GRIN2C: variants seen among roughly 807,000 people sequenced by gnomAD.
The protein encoded by GRIN2C is glutamate receptor ionotropic, NMDA 2C.
A neutral mutation model predicts 77.7 loss-of-function variants in GRIN2C; 64 were observed. The observed-to-expected ratio is 0.82, with a 90% CI of 0.67 to 1.01. The LOEUF is 1.01. GRIN2C is among the 50% of genes least tolerant of loss of function. The pLI, the probability that GRIN2C is intolerant of heterozygous loss-of-function variation, is 0.00. For missense variants in GRIN2C, 1,549 were observed against 1,486.0 expected, an observed-to-expected ratio of 1.04 and a Z score of -0.70; for synonymous variants, 792 against 643.4, an observed-to-expected ratio of 1.23 and a Z score of -3.49.
In GRIN2C at chr17:74,842,227, C is replaced by T. The variant is rs1391148103; in HGVS notation, c.*208G>A. 7 of 517,300 alleles carry T rather than the reference C, an allele frequency of 1.4e-5. No individual in the cohort carries two copies. Among genetic ancestry groups the T allele is most frequent in the Admixed American group, 3.9e-5 (1 of 25,636 alleles). 32.0% of individuals were successfully genotyped at this position (517,300 alleles called of 1,614,324 possible). On this transcript the variant is annotated 3_prime_UTR_variant, in exon 13 of 13. Coordinates refer to ENST00000293190, the MANE Select transcript of GRIN2C (RefSeq NM_000835.6). ...AGCACACCCTCCTGGCAGAACTCTG[C>T]GTGAGAAGAGGACAGCAAAAGCCCA...
intron 4 of GRIN2C, chr17:74,851,337 G>T: frequency 2.1e-6 from 1 of 485,940 alleles, no homozygotes; most frequent in Non-Finnish European, 3.7e-6. Context: ...AGATAGGAGC[G>T]CTTGAAATGT....
Position 74,843,203 on chromosome 17 carries a change from C to A in GRIN2C, c.2934G>T (p.Pro978=). The A allele has an allele frequency of 2.4e-6, 1 of 419,926 alleles. No homozygotes were observed. Among genetic ancestry groups the A allele is most frequent in the Non-Finnish European group, 3.9e-6 (1 of 254,710 alleles). The allele number at this position is 419,926 out of a possible 1,614,324, so 26.0% of individuals were successfully genotyped here. A position where few individuals can be genotyped will look rare whatever the true frequency, so the allele number is the denominator to read the frequency against. Residue 978 remains proline (P), a synonymous_variant, in exon 13 of 13, where the codon CCG becomes CCT. Coordinates refer to ENST00000293190, the MANE Select transcript of GRIN2C (RefSeq NM_000835.6). ...GCGGCCCCGGCGTCGGGGGGCGGCC[C>A]GGGGGCTGCGGAGCCCTGCGCACAA... ...AALVRRAPQP[P]GRPPTPGPPL...
In GRIN2C at chr17:74,846,753, G is replaced by A. The variant is rs777664289; in HGVS notation, c.2162+7C>T. The A allele has an allele frequency of 8.7e-6, 14 of 1,612,504 alleles. No homozygotes were observed. In the East Asian group the frequency reaches 1.8e-4, roughly 21 times the overall value. Reference sequence around the variant, plus strand: ...TGAAGACAGCGGGTGCAGGGCTGGGGACCCACCCCATCTTGAGGCTGGTGA... The same window carrying A: ...TGAAGACAGCGGGTGCAGGGCTGGGAACCCACCCCATCTTGAGGCTGGTGA... On this transcript the variant is annotated splice_region_variant and intron_variant, in intron 10 of 12. Coordinates refer to ENST00000293190, the MANE Select transcript of GRIN2C (RefSeq NM_000835.6). This position sits in a 1 kb window ranked among gnomAD's most constrained non-coding sequence, Gnocchi z 4.4.
At position 74,847,111 on chromosome 17, in the gene GRIN2C, C is replaced by A. The variant is rs1230140946; in HGVS notation, c.2002-191G>T. 57 of 731,562 alleles carry A rather than the reference C, an allele frequency of 7.8e-5. No homozygotes were observed. The highest frequency in any genetic ancestry group is 1.2e-4 in the Non-Finnish European group (55 of 453,616). 45.3% of individuals were successfully genotyped at this position (731,562 alleles called of 1,614,324 possible). On this transcript the variant is annotated intron_variant, in intron 9 of 12. Coordinates refer to ENST00000293190, the MANE Select transcript of GRIN2C (RefSeq NM_000835.6). This position sits in a 1 kb window ranked among gnomAD's most constrained non-coding sequence, Gnocchi z 5.2. The stretch of plus-strand genomic sequence containing the variant: ...GAGGCCCAAGACAGGGAGAGACTTA[C>A]CCAAGGCCTCTCAGCCGGTGGCCCT...
chr17:74,852,638 G>GT (rs879110167), intron 2 of GRIN2C, 27 bp from the exon 3 acceptor site: 5 of 981,274 alleles, frequency 5.1e-6, no homozygotes, highest in Middle Eastern at 3.0e-4. Flanking sequence ...CCTGAGCGGG[G>GT]CGGGAGGGCC....
upstream of GRIN2C, among the ~76,000 whole-genome samples, chr17:74,861,104 A>C (rs1205297025): frequency 6.6e-6 from 1 of 152,096 alleles, no homozygotes; most frequent in Non-Finnish European, 1.5e-5. Flanking sequence ...CTGCCGCGCC[A>C]AGCGAAGGAG....
chr17:74,855,010 T>A lies in GRIN2C; in HGVS notation c.83A>T (p.Gln28Leu), dbSNP rs780388234. The A allele has an allele frequency of 6.2e-7, 1 of 1,604,442 alleles. No individual in the cohort carries two copies. The highest frequency in any genetic ancestry group is 1.1e-5 in the South Asian group (1 of 90,954). The stretch of plus-strand genomic sequence containing the variant: ...AAACACCACGGCCACCGTCATGCCC[T>A]GCTCGCCCTGCCCCGGACCCAGCCC... ...WAGLGPGQGE[Q>L]GMTVAVVFSS... Residue 28 changes from glutamine (Q) to leucine (L), a missense_variant, in exon 2 of 13, where the codon CAG (glutamine) becomes CTG (leucine). Gln to Leu is a moderately radical substitution (Grantham distance 113). Around this residue, in one of 3 missense-constraint regions of GRIN2C, gnomAD observed 382 missense variants for 360.0 expected, o/e 1.06. Coordinates refer to ENST00000293190, the MANE Select transcript of GRIN2C (RefSeq NM_000835.6).
Position 74,850,158 on chromosome 17 carries a change from G to C in GRIN2C, c.1491+48C>G, listed in dbSNP as rs571674579. 5 of 1,593,186 alleles carry C rather than the reference G, an allele frequency of 3.1e-6. No individual in the cohort carries two copies. The African/African-American group carries it at 6.7e-5, about 21-fold the overall frequency. On this transcript the variant is annotated intron_variant, in intron 6 of 12. Transcript: ENST00000293190. The surrounding 1 kb of genome is among the most constrained non-coding windows in gnomAD (Gnocchi z 5.3). ...CTGAGAGCCACATGGGGCCTGGGCA[G>C]CAGGTGGGCAGGCAGGGCAGGTGAG...
At chr17:74,853,261 T>A (rs1431596426) in intron 2 of GRIN2C, 1 of 152,050 alleles carries the variant, frequency 6.6e-6, no homozygotes, top group Non-Finnish European at 1.5e-5. Flanking sequence ...ACTGTCCCAA[T>A]CTTTTAAAAA....
intron 4 of GRIN2C, 171 bp downstream of exon 4, chr17:74,851,406 C>T (rs1488629726): frequency 8.6e-6 from 5 of 582,242 alleles, no homozygotes; most frequent in Middle Eastern, 4.1e-4. Context: ...CCTCACCCAC[C>T]CCGGGGCACC....
At chr17:74,845,163 T>A in intron 11 of GRIN2C, among the ~76,000 whole-genome samples, 1 of 152,038 alleles carries the variant, frequency 6.6e-6, no homozygotes, top group East Asian at 1.9e-4. Flanking sequence ...CTCCTAGACT[T>A]AAGCAATCCT....
At position 74,844,435 on chromosome 17, in the gene GRIN2C, G is replaced by C; in HGVS notation, c.2424C>G (p.Ser808Arg). 3.1e-6 allele frequency: 5 copies of C among 1,614,222 alleles called. No homozygotes were observed. The highest frequency in any genetic ancestry group is 4.2e-6 in the Non-Finnish European group (5 of 1,180,042). The stretch of plus-strand genomic sequence containing the variant: ...CTGCCATGTTGTCGATGTCCAGCTT[G>C]CTGCTCATCACCTCGTTCTTCTCAT... Reference protein sequence around the residue: ...CQNEKNEVMSSKLDIDNMAGV... With the variant: ...CQNEKNEVMSRKLDIDNMAGV... The change falls in exon 12 of 13, where the codon AGC becomes AGG. Residue 808 changes from serine (S) to arginine (R), a missense_variant. Around this residue, in one of 3 missense-constraint regions of GRIN2C, gnomAD observed 717 missense variants for 858.1 expected, o/e 0.84. Coordinates refer to ENST00000293190, the MANE Select transcript of GRIN2C (RefSeq NM_000835.6).
chr17:74,852,340 A>G lies in GRIN2C; in HGVS notation c.671T>C (p.Phe224Ser). 6.9e-7 allele frequency: 1 copy of G among 1,457,424 alleles called. No homozygotes were observed. Among genetic ancestry groups the G allele is most frequent in the African/African-American group, 1.5e-5 (1 of 67,242 alleles). The allele number at this position is 1,457,424 out of a possible 1,614,324, so 90.3% of individuals were successfully genotyped here. ...CTCCTCGCGCGAGCAGTAGGCCACAAACACGGGCGCGTCGAGCTGGCGCAG... is the reference window on the plus strand; with the variant it reads ...CTCCTCGCGCGAGCAGTAGGCCACAGACACGGGCGCGTCGAGCTGGCGCAG... Reference protein sequence around the residue: ...RLLRQLDAPVFVAYCSREEAE... With the variant: ...RLLRQLDAPVSVAYCSREEAE... The change falls in exon 3 of 13, where the codon TTT (phenylalanine) becomes TCT (serine). Residue 224 changes from phenylalanine to serine, a missense_variant. Around this residue, in one of 3 missense-constraint regions of GRIN2C, gnomAD observed 382 missense variants for 360.0 expected, o/e 1.06. Coordinates refer to ENST00000293190, the MANE Select transcript of GRIN2C (RefSeq NM_000835.6).
Position 74,854,962 on chromosome 17 carries a change from G to T in GRIN2C, c.131C>A (p.Ala44Asp). The part of the protein sequence containing the change: ...VVFSSSGPPQ[A>D]QFRARLTPQS... ...GGGGGTGAGGCGGGCACGGAACTGG[G>T]CCTGGGGCGGCCCTGAGCTGCTAAA... is the stretch of plus-strand genomic sequence containing the variant. Residue 44 changes from alanine (A) to aspartate (D), a missense_variant, in exon 2 of 13, where the codon GCC becomes GAC. Physicochemically the swap from Ala to Asp is moderately radical, Grantham distance 126. Around this residue, in one of 3 missense-constraint regions of GRIN2C, gnomAD observed 382 missense variants for 360.0 expected, o/e 1.06. Coordinates refer to ENST00000293190, the MANE Select transcript of GRIN2C (RefSeq NM_000835.6). The T allele has an allele frequency of 6.2e-7, 1 of 1,611,912 alleles. No homozygotes were observed. The highest frequency in any genetic ancestry group is 2.2e-5 in the East Asian group (1 of 44,876).
chr17:74,851,698 G>T lies in GRIN2C; in HGVS notation c.999-7C>A. The T allele has an allele frequency of 6.6e-7, 1 of 1,517,604 alleles. No homozygotes were observed. The highest frequency in any genetic ancestry group is 9.0e-7 in the Non-Finnish European group (1 of 1,114,918). 94.0% of individuals were successfully genotyped at this position (1,517,604 alleles called of 1,614,324 possible). ...GGTGACATTCAGTAGGTGCCTGCCA[G>T]AGGGGAGAGATGCCTGCAGCCCTGC... On this transcript the variant is annotated splice_region_variant and splice_polypyrimidine_tract_variant and intron_variant, in intron 3 of 12. Coordinates refer to ENST00000293190, the MANE Select transcript of GRIN2C (RefSeq NM_000835.6).
rs1451694303 is a variant in GRIN2C, at chr17:74,847,840, G to C, written c.1771+12C>G. On this transcript the variant is annotated intron_variant, in intron 8 of 12. Coordinates refer to ENST00000293190, the MANE Select transcript of GRIN2C (RefSeq NM_000835.6). This position sits in a 1 kb window ranked among gnomAD's most constrained non-coding sequence, Gnocchi z 5.2. ...AGGCCCACCCCTCCTGCCGGGCCCA[G>C]GCAAGGCTTACTCTTGCCTCTGGTG... 1 of 1,613,772 alleles carries C rather than the reference G, an allele frequency of 6.2e-7. No individual in the cohort carries two copies. Among genetic ancestry groups the C allele is most frequent in the Non-Finnish European group, 8.5e-7 (1 of 1,179,940 alleles).
At chr17:74,857,438 C>T (rs547599979) in intron 1 of GRIN2C, among the ~76,000 whole-genome samples, 67 of 152,284 alleles carry the variant, frequency 4.4e-4, no homozygotes, top group Middle Eastern at 6.8e-3. Flanking sequence ...TTCCCTAGTA[C>T]AGTGACACAG....
At position 74,850,812 on chromosome 17, in the gene GRIN2C, C is replaced by G; in HGVS notation, c.1114-45G>C. On this transcript the variant is annotated intron_variant, in intron 4 of 12. Transcript: ENST00000293190. This position sits in a 1 kb window ranked among gnomAD's most constrained non-coding sequence, Gnocchi z 5.3. ...CAGCCTGGGGCCTCCAGCCCTACAG[C>G]CCCCACCCTCTAGGTGGAGCCTGCC... 1 of 1,491,024 alleles carries G rather than the reference C, an allele frequency of 6.7e-7. No individual in the cohort carries two copies. The highest frequency in any genetic ancestry group is 1.2e-5 in the South Asian group (1 of 86,048). The allele number at this position is 1,491,024 out of a possible 1,614,324, so 92.4% of individuals were successfully genotyped here.
rs2037902038 is a variant in GRIN2C at position 74,859,515 on chromosome 17, C to T, written c.-16+229G>A. ...CAGAACCCCCGGACCCCCTGCCCTT[C>T]CGGTGAGCCGCCCCTCCTTTGCCGT... On this transcript the variant is annotated intron_variant, in intron 1 of 12. Coordinates refer to ENST00000293190, the MANE Select transcript of GRIN2C (RefSeq NM_000835.6). The surrounding 1 kb of genome is among the most constrained non-coding windows in gnomAD (Gnocchi z 5.9). 6.6e-6 allele frequency among the ~76,000 whole-genome samples: 1 copy of T among 152,000 alleles called. No individual in the cohort carries two copies. The highest frequency in any genetic ancestry group is 1.5e-5 in the Non-Finnish European group (1 of 67,974).
Sources: gnomAD v4.1 joint callset for allele counts (sites outside exome capture counted in the v4.1 genomes callset) on GRCh38, gnomAD v4.1.1 for gene constraint, gnomAD v4.1.1 regional missense constraint, Gnocchi (gnomAD v3.1) non-coding constraint, MANE v1.5 for transcripts, NCBI Gene and HGNC (gene_info 2026-07-23, HGNC 2026-07-21) for gene names.